ATP10B: variants seen among roughly 807,000 people sequenced by gnomAD.
ATP10B encodes the protein ATPase phospholipid transporting 10B (putative).
A neutral mutation model predicts 141.2 loss-of-function variants in ATP10B; 122 were observed. That is an observed-to-expected ratio of 0.86 (90% CI 0.75 to 1.00). The LOEUF (loss-of-function observed/expected upper bound fraction) is 1.00. Ranked by LOEUF, ATP10B falls within the 50% of genes least tolerant of loss-of-function variation. ATP10B has a pLI of 0.00. For missense variants in ATP10B, 1,876 were observed against 1,825.3 expected (o/e 1.03, Z -0.51); for synonymous variants, 685 against 692.0 (o/e 0.99, Z 0.16).
At chr5:160,592,184 C>T (rs974574624) in intron 22 of ATP10B, among the ~76,000 whole-genome samples, 4 of 152,176 alleles carry the variant, frequency 2.6e-5, no homozygotes, top group Middle Eastern at 3.2e-3. Flanking sequence ...TTCTAAAGCA[C>T]ATGTAATTTT....
At chr5:160,769,818 G>A (rs571850533) in intron 2 of ATP10B, among the ~76,000 whole-genome samples, 1 of 152,166 alleles carries the variant, frequency 6.6e-6, no homozygotes, top group Non-Finnish European at 1.5e-5. Flanking sequence ...GAGACTTAGA[G>A]TTAAGGATCC....
chr5:160,836,720 C>T (rs987714162), intron 1 of ATP10B, among the ~76,000 whole-genome samples: 2 of 152,078 alleles, frequency 1.3e-5, no homozygotes, highest in African/African-American at 4.8e-5. Flanking sequence ...CCCTCTGGTT[C>T]CTCTGACTCA....
intron 2 of ATP10B, among the ~76,000 whole-genome samples, chr5:160,732,540 T>G (rs1766821494): frequency 6.6e-6 from 1 of 152,192 alleles, no homozygotes; most frequent in Non-Finnish European, 1.5e-5. Context: ...TTTCCAGGCT[T>G]GATTTATTGA....
the ATP10B span, among the ~76,000 whole-genome samples, chr5:160,865,331 C>T: frequency 6.6e-6 from 1 of 152,044 alleles, no homozygotes; most frequent in Non-Finnish European, 1.5e-5. Flanking sequence ...GGAAAGGACA[C>T]TCTATTCAAT....
intron 7 of ATP10B, among the ~76,000 whole-genome samples, chr5:160,661,056 C>T (rs1240599068): frequency 1.3e-5 from 2 of 152,042 alleles, no homozygotes; most frequent in Non-Finnish European, 2.9e-5. Flanking sequence ...CATGGTGGCA[C>T]ATGCCTGTAA....
chr5:160,611,633 A>T (rs906761598), intron 18 of ATP10B, among the ~76,000 whole-genome samples: 2 of 152,178 alleles, frequency 1.3e-5, no homozygotes, highest in Admixed American at 6.5e-5. Context: ...TTTTATTTTT[A>T]AAAAAGAGGT....
the ATP10B span, among the ~76,000 whole-genome samples, chr5:160,883,245 A>C: frequency 6.6e-6 from 1 of 152,194 alleles, no homozygotes; most frequent in Non-Finnish European, 1.5e-5. Context: ...AGAATGTAGG[A>C]AATACTGTTC....
the ATP10B span, among the ~76,000 whole-genome samples, chr5:160,888,672 ATTGGCTCTGTCT>A: frequency 6.6e-6 from 1 of 152,156 alleles, no homozygotes; most frequent in African/African-American, 2.4e-5. Context: ...CCCTTCTGCA[ATTGGCTCTGTCT>A]TCCTTTGTTC....
chr5:160,729,479 G>A (rs907827245), intron 2 of ATP10B, among the ~76,000 whole-genome samples: 4 of 152,178 alleles, frequency 2.6e-5, no homozygotes, highest in Admixed American at 6.5e-5. Context: ...CCCTAAAGGG[G>A]CTTGTAATGG....
At chr5:160,743,326 C>A (rs573056497) in intron 2 of ATP10B, among the ~76,000 whole-genome samples, 1 of 152,248 alleles carries the variant, frequency 6.6e-6, no homozygotes, top group African/African-American at 2.4e-5. Flanking sequence ...ATTATTGGAG[C>A]AAGTTGACAG....
chr5:160,805,915 G>A (rs1005320328), intron 1 of ATP10B, among the ~76,000 whole-genome samples: 1 of 152,230 alleles, frequency 6.6e-6, no homozygotes, highest in African/African-American at 2.4e-5. Flanking sequence ...TCATCTGCAA[G>A]CTGGAGATGG....
chr5:160,826,586 C>T (rs531931756), intron 1 of ATP10B, among the ~76,000 whole-genome samples: 12 of 152,052 alleles, frequency 7.9e-5, no homozygotes, highest in South Asian at 2.1e-4. Context: ...CGATTTTTAG[C>T]GAGGGAAGAC....
At chr5:160,666,168 G>A (rs1402138839) in intron 7 of ATP10B, among the ~76,000 whole-genome samples, 1 of 152,156 alleles carries the variant, frequency 6.6e-6, no homozygotes, top group Non-Finnish European at 1.5e-5. Context: ...CACTGGAGAT[G>A]GCGCCTCTCC....
chr5:160,857,426 G>T, the ATP10B span, among the ~76,000 whole-genome samples: 1 of 151,506 alleles, frequency 6.6e-6, no homozygotes, highest in African/African-American at 2.4e-5. Flanking sequence ...CTATTCTCTT[G>T]TCAGTCTTGC....
chr5:160,891,052 T>C, the ATP10B span, among the ~76,000 whole-genome samples: 5 of 152,172 alleles, frequency 3.3e-5, no homozygotes, highest in African/African-American at 9.7e-5. Context: ...TGTTTTTAAT[T>C]CTTTTGCATG....
intron 1 of ATP10B, among the ~76,000 whole-genome samples, chr5:160,850,676 G>C (rs937631214): frequency 6.6e-6 from 1 of 152,240 alleles, no homozygotes; most frequent in African/African-American, 2.4e-5. Flanking sequence ...AGCACGAGAG[G>C]AGTATGATTT....
intron 8 of ATP10B, among the ~76,000 whole-genome samples, chr5:160,647,217 C>T (rs989570538): frequency 2.7e-4 from 41 of 152,308 alleles, no homozygotes; most frequent in African/African-American, 8.4e-4. Context: ...TCTAAATTAA[C>T]GGAACCCACA....
intron 6 of ATP10B, among the ~76,000 whole-genome samples, chr5:160,674,365 T>C (rs1000550514): frequency 2.0e-5 from 3 of 152,180 alleles, no homozygotes; most frequent in Non-Finnish European, 4.4e-5. Flanking sequence ...GAGGAGCTTG[T>C]GGCATATGTG....
chr5:160,641,423 A>G (rs1220361875), intron 9 of ATP10B, among the ~76,000 whole-genome samples: 1 of 152,212 alleles, frequency 6.6e-6, no homozygotes, highest in East Asian at 1.9e-4. Context: ...GAAGTTTTGC[A>G]TACAATTTTG....
Sources: gnomAD v4.1 joint callset for allele counts (sites outside exome capture counted in the v4.1 genomes callset) on GRCh38, gnomAD v4.1.1 for gene constraint, MANE v1.5 for transcripts, NCBI Gene and HGNC (gene_info 2026-07-23, HGNC 2026-07-21) for gene names.